Variants in DAB1 observed in about 807,000 individuals in gnomAD.
DAB1 encodes the protein disabled homolog 1.
In DAB1, 15 loss-of-function variants were observed where a neutral mutation model predicts 64.6. That is an observed-to-expected ratio of 0.23 (90% CI 0.16 to 0.36). DAB1 has a LOEUF of 0.36. DAB1 is among the 10% of genes least tolerant of loss of function. The pLI is 1.00. For synonymous variants in DAB1, 235 were observed against 251.9 expected (o/e 0.93, Z 0.64); for missense variants, 596 against 706.7 (o/e 0.84, Z 1.78).
intron 2 of DAB1, among the ~76,000 whole-genome samples, chr1:57,148,163 G>A (rs749355986): frequency 2.0e-5 from 3 of 152,160 alleles, no homozygotes; most frequent in Non-Finnish European, 4.4e-5. Flanking sequence ...CTAAAAAACT[G>A]TCTATGAGTC....
chr1:57,987,787 G>C (rs889581455), intron 5 of DAB1, among the ~76,000 whole-genome samples: 4 of 152,082 alleles, frequency 2.6e-5, no homozygotes, highest in African/African-American at 9.7e-5. Flanking sequence ...AGTTGGGGGA[G>C]GGAATGGAGA....
chr1:58,001,294 C>T (rs2100404581), intron 5 of DAB1, among the ~76,000 whole-genome samples: 1 of 152,158 alleles, frequency 6.6e-6, no homozygotes, highest in African/African-American at 2.4e-5. Context: ...GATGGAGTCT[C>T]ACTCTGTCAC....
At chr1:57,509,530 A>C (rs779641490) in intron 7 of DAB1, among the ~76,000 whole-genome samples, 5 of 151,576 alleles carry the variant, frequency 3.3e-5, no homozygotes, top group Non-Finnish European at 5.9e-5. Flanking sequence ...TTTTCCTCTC[A>C]CCTCTCATAT....
intron 4 of DAB1, among the ~76,000 whole-genome samples, chr1:58,296,770 C>T (rs1662005676): frequency 6.6e-6 from 1 of 152,040 alleles, no homozygotes; most frequent in Non-Finnish European, 1.5e-5. Flanking sequence ...GATTAAAAAC[C>T]CAGGGTGGAG....
intron 3 of DAB1, among the ~76,000 whole-genome samples, chr1:57,144,027 T>A (rs1368369176): frequency 6.6e-6 from 1 of 151,740 alleles, no homozygotes; most frequent in Admixed American, 6.6e-5. Flanking sequence ...AATTCCAATT[T>A]TATTACATAT....
intron 1 of DAB1, among the ~76,000 whole-genome samples, chr1:57,411,870 C>G (rs914807101): frequency 2.6e-5 from 4 of 152,204 alleles, no homozygotes; most frequent in African/African-American, 7.2e-5. Context: ...GCACCTAGTA[C>G]AGACATACCT....
intron 2 of DAB1, among the ~76,000 whole-genome samples, chr1:57,284,751 A>T (rs1349552212): frequency 6.6e-6 from 1 of 152,256 alleles, no homozygotes; most frequent in Non-Finnish European, 1.5e-5. Context: ...AGCTCCTATG[A>T]GGTAAGCCAA....
chr1:57,223,090 G>A (rs1667003082), intron 2 of DAB1, among the ~76,000 whole-genome samples: 2 of 152,120 alleles, frequency 1.3e-5, no homozygotes, highest in East Asian at 1.9e-4. Flanking sequence ...ATCTCCACCA[G>A]CTGACATGTA....
intron 1 of DAB1, among the ~76,000 whole-genome samples, chr1:57,298,961 A>G (rs576278092): frequency 6.6e-6 from 1 of 152,224 alleles, no homozygotes; most frequent in South Asian, 2.1e-4. Context: ...CATGAAATTG[A>G]CACCGTGGTA....
At chr1:58,461,177 T>TA (rs1490361576) in intron 3 of DAB1, among the ~76,000 whole-genome samples, 8 of 152,218 alleles carry the variant, frequency 5.3e-5, no homozygotes, top group Non-Finnish European at 1.2e-4. Context: ...CTCATGCTTT[T>TA]AAAAACCTCC....
At chr1:57,597,755 A>T (rs11808213) in intron 7 of DAB1, among the ~76,000 whole-genome samples, 34,605 of 152,182 alleles carry the variant, frequency 0.23, 4,782 homozygotes, top group African/African-American at 0.39. Flanking sequence ...GACTTAGCAA[A>T]GCCATTTTCC....
intron 4 of DAB1, among the ~76,000 whole-genome samples, chr1:58,197,914 A>G (rs1047888634): frequency 1.3e-5 from 2 of 152,190 alleles, no homozygotes; most frequent in Non-Finnish European, 2.9e-5. Flanking sequence ...ATTGCTTTGT[A>G]CTTGAAAGCT....
chr1:57,818,222 T>C (rs1392673540), intron 6 of DAB1, among the ~76,000 whole-genome samples: 1 of 152,104 alleles, frequency 6.6e-6, no homozygotes, highest in Non-Finnish European at 1.5e-5. Flanking sequence ...AATAGAAATA[T>C]CAAAATGATT....
intron 1 of DAB1, chr1:58,530,536 T>C (rs1435902345): frequency 1.3e-6 from 1 of 790,854 alleles, no homozygotes; most frequent in South Asian, 1.6e-5. Flanking sequence ...TTTGCTGCTT[T>C]ACAGTAGTAT....
At chr1:58,467,602 C>T (rs697590) in intron 3 of DAB1, among the ~76,000 whole-genome samples, 73,130 of 151,982 alleles carry the variant, frequency 0.48, 18,133 homozygotes, top group Non-Finnish European at 0.55. Context: ...AATTGCTACT[C>T]GGTGCAGTAA....
intron 6 of DAB1, among the ~76,000 whole-genome samples, chr1:57,713,339 A>G (rs1306303651): frequency 6.6e-6 from 1 of 152,184 alleles, no homozygotes; most frequent in Non-Finnish European, 1.5e-5. Context: ...CCCTCTGCAA[A>G]AGAAGATTAT....
At chr1:57,323,713 T>A (rs562855186) in intron 1 of DAB1, among the ~76,000 whole-genome samples, 1 of 152,176 alleles carries the variant, frequency 6.6e-6, no homozygotes, top group South Asian at 2.1e-4. Flanking sequence ...AAAAATTACA[T>A]CTTTTTAAAA....
At chr1:58,095,791 C>G (rs556029207) in intron 5 of DAB1, among the ~76,000 whole-genome samples, 1 of 152,162 alleles carries the variant, frequency 6.6e-6, no homozygotes, top group Non-Finnish European at 1.5e-5. Flanking sequence ...ATTATCATAT[C>G]TAAAAATGCC....
At chr1:57,058,789 CG>C (rs1241585528) in intron 9 of DAB1, among the ~76,000 whole-genome samples, 2 of 152,194 alleles carry the variant, frequency 1.3e-5, no homozygotes, top group African/African-American at 4.8e-5. Flanking sequence ...ATTCAAACCC[CG>C]GTATCTCTCA....
Sources: gnomAD v4.1 joint callset for allele counts (sites outside exome capture counted in the v4.1 genomes callset) on GRCh38, gnomAD v4.1.1 for gene constraint, MANE v1.5 for transcripts, NCBI Gene and HGNC (gene_info 2026-07-23, HGNC 2026-07-21) for gene names.